C22orf31: variants seen among roughly 807,000 people sequenced by gnomAD.
The protein encoded by C22orf31 is chromosome 22 open reading frame 31.
Under a neutral mutation model 15.0 loss-of-function variants are expected in C22orf31, and 11 were observed. The ratio of observed to expected loss-of-function variants is 0.73; its 90% confidence interval spans 0.46 to 1.21. The LOEUF (loss-of-function observed/expected upper bound fraction) is 1.21, where lower values mean the gene tolerates loss of function less well. C22orf31 is among the 50% of genes most tolerant of loss of function. The pLI is 0.00. For synonymous variants in C22orf31, 132 were observed against 133.3 expected (o/e 0.99, Z 0.07); for missense variants, 340 against 347.2 (o/e 0.98, Z 0.17).
chr22:29,060,449 G>T lies in C22orf31; in HGVS notation c.398C>A (p.Ala133Glu). ...NFISSKSKQPAGHRRPAGGIR... is the reference protein window; with the variant it reads ...NFISSKSKQPEGHRRPAGGIR... The stretch of plus-strand genomic sequence containing the variant: ...GCCTCCTGCAGGCCTCCTATGCCCT[G>T]CTGGCTGCTTGCTCTTGGAACTGAT... The change falls in exon 2 of 3, where the codon GCA (alanine) becomes GAA (glutamate). Residue 133 changes from alanine (A) to glutamate (E), a missense_variant. Coordinates refer to ENST00000216071, the MANE Select transcript of C22orf31 (RefSeq NM_015370.2). 6.2e-7 allele frequency: 1 copy of T among 1,613,712 alleles called. No homozygotes were observed. The highest frequency in any genetic ancestry group is 1.3e-5 in the African/African-American group (1 of 74,954).
At position 29,058,975 on chromosome 22, in the gene C22orf31, G is replaced by A. The variant is rs1384055147; in HGVS notation, c.640C>T (p.Gln214Ter). Residue 214 changes from glutamine to a stop codon, truncating the protein, a stop_gained, in exon 3 of 3, where the codon CAG becomes TAG. Transcript: ENST00000216071. LOFTEE classifies it low-confidence loss of function (END_TRUNC). ...TIHGLPTEGYQALYHAVVEPM... is the reference protein window; with the variant it reads ...TIHGLPTEGY ...TCCACCACAGCGTGGTACAGAGCCT[G>A]GTAACCCTCTGTGGGGAGACCATGG... 1 of 1,614,002 alleles carries A rather than the reference G, an allele frequency of 6.2e-7. No individual in the cohort carries two copies. Among genetic ancestry groups the A allele is most frequent in the Admixed American group, 1.7e-5 (1 of 60,028 alleles).
chr22:29,071,591 C>G, the C22orf31 span, among the ~76,000 whole-genome samples: 1 of 151,356 alleles, frequency 6.6e-6, no homozygotes, highest in Non-Finnish European at 1.5e-5. Context: ...CTTGCAAGCC[C>G]GGGACCAGGG....
At chr22:29,061,669 C>T in intron 1 of C22orf31, 121 bp downstream of exon 1, 1 of 687,330 alleles carries the variant, frequency 1.5e-6, no homozygotes, top group African/African-American at 1.8e-5. Context: ...ATTAATGCTG[C>T]CGGCCTCCAT....
chr22:29,067,660 A>C, the C22orf31 span, among the ~76,000 whole-genome samples: 1 of 151,780 alleles, frequency 6.6e-6, no homozygotes, highest in Non-Finnish European at 1.5e-5. Context: ...GCCAGGCTGG[A>C]CTCGAACTCC....
At position 29,058,805 on chromosome 22, in the gene C22orf31, C is replaced by T. The variant is rs761741124; in HGVS notation, c.810G>A (p.Lys270=). 6.2e-7 allele frequency: 1 copy of T among 1,614,182 alleles called. No individual in the cohort carries two copies. Among genetic ancestry groups the T allele is most frequent in the Non-Finnish European group, 8.5e-7 (1 of 1,179,990 alleles). ...CAGGCTCCTCGTGGACACCTGGCTG[C>T]TTCCTGCCAGGGAACCGGTCCCTCT... ...GAQRDRFPGR[K]QPGVHEEPVL... is the part of the protein sequence containing the mutation. Residue 270 remains lysine, a synonymous_variant, in exon 3 of 3, where the codon AAG becomes AAA. Transcript: ENST00000216071.
upstream of C22orf31, among the ~76,000 whole-genome samples, chr22:29,064,234 C>T (rs182267867): frequency 3.9e-5 from 6 of 152,296 alleles, no homozygotes; most frequent in East Asian, 1.2e-3. Flanking sequence ...TTGGTCAGCC[C>T]ATCCATCTAC....
upstream of C22orf31, among the ~76,000 whole-genome samples, chr22:29,064,416 A>C (rs1313155194): frequency 6.6e-6 from 1 of 152,138 alleles, no homozygotes; most frequent in African/African-American, 2.4e-5. Flanking sequence ...CTGCCTACCT[A>C]AGGGTTATTG....
chr22:29,060,194 CTTTT>C (rs60535445), intron 2 of C22orf31, among the ~76,000 whole-genome samples: 1 of 128,828 alleles, frequency 7.8e-6, no homozygotes, highest in Non-Finnish European at 1.7e-5. Context: ...TCATGCCTGG[CTTTT>C]TTTTTTTTTT....
At chr22:29,062,111 C>T (rs902340565), upstream of C22orf31, among the ~76,000 whole-genome samples, 5 of 152,120 alleles carry the variant, frequency 3.3e-5, no homozygotes, top group African/African-American at 1.2e-4. Context: ...TGCTTCTAGC[C>T]TCAGAAACTT....
chr22:29,061,874 CTCTT>C (rs1457544641), upstream of C22orf31: 2 of 1,190,896 alleles, frequency 1.7e-6, no homozygotes, highest in Non-Finnish European at 1.2e-6. Context: ...TTCTCTCTCT[CTCTT>C]TTTTTTTGTT....
At chr22:29,071,141 G>A in the C22orf31 span, among the ~76,000 whole-genome samples, 3 of 151,932 alleles carry the variant, frequency 2.0e-5, no homozygotes, top group East Asian at 5.8e-4. Context: ...ACAAAAGTGG[G>A]GATCACCGGT....
At chr22:29,064,675 A>ATTTT (rs563569423), upstream of C22orf31, among the ~76,000 whole-genome samples, 1 of 51,290 alleles carries the variant, frequency 1.9e-5, no homozygotes, top group Non-Finnish European at 3.6e-5. Context: ...TTGCCCAGTG[A>ATTTT]TTTTTTTTTT....
At chr22:29,061,860 CT>C, upstream of C22orf31, 1 of 1,245,402 alleles carries the variant, frequency 8.0e-7, no homozygotes, top group Non-Finnish European at 1.1e-6. Flanking sequence ...TTTCTCTTTC[CT>C]TTTTCTCTCT....
rs2037374461 is a variant in C22orf31 at position 29,060,278 on chromosome 22, C to T, written c.432+137G>A. 5.0e-6 allele frequency: 4 copies of T among 798,610 alleles called. No homozygotes were observed. The South Asian group carries it at 5.2e-5, about 10-fold the overall frequency. 49.5% of individuals were successfully genotyped at this position (798,610 alleles called of 1,614,324 possible). ...AACTCTCTGAGCTCAAGTGATCCTC[C>T]CTGCTTGGCCTCCCAAAGTGCTGAG... is the stretch of plus-strand genomic sequence containing the variant. On this transcript the variant is annotated intron_variant, in intron 2 of 2. Coordinates refer to ENST00000216071, the MANE Select transcript of C22orf31 (RefSeq NM_015370.2).
chr22:29,065,810 T>A (rs2123904532), upstream of C22orf31, among the ~76,000 whole-genome samples: 1 of 152,354 alleles, frequency 6.6e-6, no homozygotes, highest in East Asian at 1.9e-4. Flanking sequence ...TCTGGGGAAC[T>A]CGGGGTTGAA....
chr22:29,068,810 G>T, the C22orf31 span, among the ~76,000 whole-genome samples: 52 of 147,342 alleles, frequency 3.5e-4, no homozygotes, highest in African/African-American at 1.3e-3. Flanking sequence ...TGTCTCCCAG[G>T]CTGGAGGGCA....
chr22:29,066,502 T>A (rs951523066), upstream of C22orf31, among the ~76,000 whole-genome samples: 14 of 149,340 alleles, frequency 9.4e-5, no homozygotes, highest in African/African-American at 3.4e-4. Flanking sequence ...TGTCCCACAC[T>A]TCCTCCTTTC....
upstream of C22orf31, among the ~76,000 whole-genome samples, chr22:29,062,318 G>C (rs972879205): frequency 6.6e-6 from 1 of 152,274 alleles, no homozygotes; most frequent in Non-Finnish European, 1.5e-5. Context: ...TCTCAGAACA[G>C]CTGCCAAGGT....
chr22:29,068,687 GGCGTAAGCCA>G, the C22orf31 span, among the ~76,000 whole-genome samples: 1 of 151,488 alleles, frequency 6.6e-6, no homozygotes, highest in African/African-American at 2.4e-5. Context: ...TGGGATTACA[GGCGTAAGCCA>G]CCGTGCCCGG....
Sources: allele counts gnomAD v4.1 joint callset (sites outside exome capture counted in the v4.1 genomes callset), GRCh38; gene constraint gnomAD v4.1.1; transcripts MANE v1.5; gene names NCBI Gene and HGNC (gene_info 2026-07-23, HGNC 2026-07-21).